VPS13B: variants seen among roughly 807,000 people sequenced by gnomAD.
VPS13B encodes vacuolar protein sorting 13 homolog B.
A neutral mutation model predicts 426.4 loss-of-function variants in VPS13B; 285 were observed. The ratio of observed to expected loss-of-function variants is 0.67; its 90% CI spans 0.61 to 0.74. The LOEUF is 0.74. VPS13B is among the 30% of genes least tolerant of loss of function. The pLI is 0.00. For synonymous variants in VPS13B, 1,676 were observed against 1,676.4 expected (o/e 1.00, Z 0.01); for missense variants, 4,537 against 4,782.6 (o/e 0.95, Z 1.51).
intron 33 of VPS13B, among the ~76,000 whole-genome samples, chr8:99,621,391 G>T (rs373968258): frequency 6.6e-6 from 1 of 152,148 alleles, no homozygotes; most frequent in Non-Finnish European, 1.5e-5. Context: ...AATCCCCATT[G>T]CCGTCTCTTT....
chr8:99,778,192 A>G (rs556383820), intron 41 of VPS13B, among the ~76,000 whole-genome samples: 1 of 150,592 alleles, frequency 6.6e-6, no homozygotes, highest in Non-Finnish European at 1.5e-5. Flanking sequence ...AGATCACACC[A>G]CTGCACTCCA....
chr8:99,520,722 G>GT (rs758630540), intron 29 of VPS13B, among the ~76,000 whole-genome samples, 177 bp from the exon 30 acceptor site: 4 of 151,616 alleles, frequency 2.6e-5, no homozygotes, highest in Non-Finnish European at 5.9e-5. Flanking sequence ...TATTAACAGA[G>GT]TTAAGAAAAG....
intron 19 of VPS13B, among the ~76,000 whole-genome samples, chr8:99,291,104 A>C (rs908924154): frequency 2.0e-5 from 3 of 152,098 alleles, no homozygotes; most frequent in Non-Finnish European, 4.4e-5. Context: ...CAGTGAAAAA[A>C]TGCTAATGTC....
intron 21 of VPS13B, among the ~76,000 whole-genome samples, chr8:99,403,886 A>G (rs1285239553): frequency 1.3e-5 from 2 of 152,356 alleles, no homozygotes; most frequent in East Asian, 3.9e-4. Flanking sequence ...GGTATTAGTC[A>G]CATGAACTAG....
At chr8:99,737,205 C>T (rs1394993831) in intron 39 of VPS13B, among the ~76,000 whole-genome samples, 1 of 138,972 alleles carries the variant, frequency 7.2e-6, no homozygotes, top group Non-Finnish European at 1.5e-5. Flanking sequence ...ACTGCAAGCT[C>T]CGCCTCCCGG....
chr8:99,527,793 T>C lies in VPS13B; in HGVS notation c.4745+6783T>C, dbSNP rs144114642. On this transcript the variant is annotated intron_variant, in intron 30 of 61. Coordinates refer to ENST00000357162, the MANE Select transcript of VPS13B (RefSeq NM_152564.5). ...CGAGATGAAAATATTTAAATATGTT[T>C]ATAGCTTAAGCATATTAATAATTTA... The C allele has an allele frequency of 1.2e-4, 18 of 152,272 alleles. No homozygotes were observed. In the East Asian group the frequency reaches 3.1e-3, roughly 26 times the overall value. The allele number at this position is 152,272 out of a possible 1,614,324, so 9.4% of individuals were successfully genotyped here. A position where few individuals can be genotyped will look rare whatever the true frequency, so the allele number is the denominator to read the frequency against.
intron 33 of VPS13B, among the ~76,000 whole-genome samples, chr8:99,625,719 GC>G (rs1401917627): frequency 6.6e-6 from 1 of 152,062 alleles, no homozygotes; most frequent in African/African-American, 2.4e-5. Context: ...AGTGGCACAC[GC>G]CTATAGTCGC....
intron 58 of VPS13B, among the ~76,000 whole-genome samples, chr8:99,865,791 T>C (rs561782941): frequency 1.6e-4 from 24 of 152,292 alleles, no homozygotes; most frequent in African/African-American, 4.8e-4. Flanking sequence ...GTCCTTCTGA[T>C]AGTGTGACAA....
intron 43 of VPS13B, among the ~76,000 whole-genome samples, chr8:99,786,227 A>G (rs1588710153): frequency 6.6e-6 from 1 of 152,180 alleles, no homozygotes; most frequent in East Asian, 1.9e-4. Flanking sequence ...TTTCATTTTC[A>G]TACTCATTTG....
chr8:99,593,055 T>G (rs1474562255), intron 33 of VPS13B, among the ~76,000 whole-genome samples: 1 of 151,936 alleles, frequency 6.6e-6, no homozygotes, highest in Non-Finnish European at 1.5e-5. Context: ...AAGCAAAAAT[T>G]GACAAATGGG....
chr8:99,555,134 T>C (rs527833485), intron 30 of VPS13B, among the ~76,000 whole-genome samples: 228 of 152,200 alleles, frequency 1.5e-3, no homozygotes, highest in African/African-American at 5.1e-3. Context: ...TCAGGTCTGC[T>C]CCTTGCTTCT....
chr8:99,745,798 T>A (rs1003151128), intron 39 of VPS13B, among the ~76,000 whole-genome samples: 2 of 152,116 alleles, frequency 1.3e-5, no homozygotes, highest in Non-Finnish European at 2.9e-5. Flanking sequence ...GTTGATGTTG[T>A]TATTGTTTTT....
intron 19 of VPS13B, among the ~76,000 whole-genome samples, chr8:99,295,727 A>T (rs1280070120): frequency 2.6e-5 from 4 of 152,168 alleles, no homozygotes; most frequent in African/African-American, 9.7e-5. Context: ...AAAAGATCAA[A>T]ATCAAAATTT....
In VPS13B at chr8:99,502,921, G is replaced by C. The variant is rs548640956; in HGVS notation, c.4128G>C (p.Glu1376Asp). The C allele has an allele frequency of 1.9e-6, 3 of 1,611,542 alleles. No individual in the cohort carries two copies. In the South Asian group the frequency reaches 3.3e-5, roughly 18 times the overall value. ...ATACCAAAGTGAAATGTAAAATAGA[G>C]AGTTTCAATATTGATCACTATAGAA... ...DVYTKVKCKI[E>D]SFNIDHYRSR... Residue 1376 changes from glutamate (E) to aspartate (D), a missense_variant, in exon 27 of 62, where the codon GAG (glutamate) becomes GAC (aspartate). Physicochemically the swap from Glu to Asp is conservative, Grantham distance 45. Transcript: ENST00000357162.
intron 35 of VPS13B, chr8:99,697,421 A>G: frequency 1.5e-6 from 1 of 667,648 alleles, no homozygotes. Flanking sequence ...CCTGCTAGAG[A>G]GCTTGAAGGA....
In VPS13B at chr8:99,290,923, G is replaced by A. The variant is rs1819700126; in HGVS notation, c.2824+15669G>A. 2.0e-5 allele frequency among the ~76,000 whole-genome samples: 3 copies of A among 152,050 alleles called. 1 individual carries two copies. The South Asian group carries it at 6.2e-4, about 32-fold the overall frequency. On this transcript the variant is annotated intron_variant, in intron 19 of 61. Coordinates refer to ENST00000357162, the MANE Select transcript of VPS13B (RefSeq NM_152564.5). Reference sequence around the variant, plus strand: ...AGTTTGTGCCTGATAAGATAAGAAAGCTCCCTCAGATTAAAACGGGCCTTG... The same window carrying A: ...AGTTTGTGCCTGATAAGATAAGAAAACTCCCTCAGATTAAAACGGGCCTTG...
At chr8:99,515,868 C>T (rs547892204) in intron 29 of VPS13B, among the ~76,000 whole-genome samples, 6 of 152,218 alleles carry the variant, frequency 3.9e-5, no homozygotes, top group East Asian at 1.9e-4. Flanking sequence ...GTGAAAAGTA[C>T]GCTACTTTTT....
intron 30 of VPS13B, among the ~76,000 whole-genome samples, chr8:99,547,483 G>A (rs1175276695): frequency 6.6e-6 from 1 of 151,812 alleles, no homozygotes; most frequent in Non-Finnish European, 1.5e-5. Context: ...TGAGCTATAA[G>A]TGAATGAATT....
chr8:99,198,296 G>A (rs971636484), intron 17 of VPS13B, among the ~76,000 whole-genome samples: 9 of 151,830 alleles, frequency 5.9e-5, no homozygotes, highest in African/African-American at 2.2e-4. Flanking sequence ...TATTTCCTGT[G>A]ATATTTTCTT....
Sources: allele counts gnomAD v4.1 joint callset (sites outside exome capture counted in the v4.1 genomes callset), GRCh38; gene constraint gnomAD v4.1.1; transcripts MANE v1.5; gene names NCBI Gene and HGNC (gene_info 2026-07-23, HGNC 2026-07-21).